Variants in PDZRN3 observed in about 807,000 individuals in gnomAD.
The protein encoded by PDZRN3 is E3 ubiquitin-protein ligase PDZRN3.
Under a neutral mutation model 85.7 loss-of-function variants are expected in PDZRN3, and 38 were observed. That is an observed-to-expected ratio of 0.44 (90% CI 0.34 to 0.58). PDZRN3 has a LOEUF of 0.58. Ranked by LOEUF, PDZRN3 falls within the 20% of genes least tolerant of loss-of-function variation. The probability of loss-of-function intolerance (pLI) is 0.01; values close to 1 mark genes in which losing one functional copy is unlikely to be tolerated. For synonymous variants in PDZRN3, 759 were observed against 638.0 expected (o/e 1.19, Z -2.86); for missense variants, 1,629 against 1,506.4 (o/e 1.08, Z -1.35).
chr3:73,417,685 T>C (rs1702120091), intron 3 of PDZRN3, among the ~76,000 whole-genome samples: 2 of 152,236 alleles, frequency 1.3e-5, no homozygotes, highest in Non-Finnish European at 2.9e-5. Context: ...GTAATATGTA[T>C]GAATATTCCA....
intron 3 of PDZRN3, among the ~76,000 whole-genome samples, chr3:73,495,539 T>C (rs1355114307): frequency 2.0e-5 from 3 of 152,232 alleles, no homozygotes; most frequent in African/African-American, 4.8e-5. Flanking sequence ...CGTGCGCATA[T>C]ATTTGTCTTA....
At chr3:73,414,500 A>G (rs1559666027) in intron 3 of PDZRN3, among the ~76,000 whole-genome samples, 1 of 152,228 alleles carries the variant, frequency 6.6e-6, no homozygotes, top group Non-Finnish European at 1.5e-5. Context: ...ATCAAAATTA[A>G]TTTTGGCTCC....
chr3:73,555,923 C>T (rs1252274624), intron 3 of PDZRN3, among the ~76,000 whole-genome samples: 1 of 152,196 alleles, frequency 6.6e-6, no homozygotes, highest in Admixed American at 6.5e-5. Flanking sequence ...AACTCCAGTA[C>T]TTAATACATG....
intron 3 of PDZRN3, among the ~76,000 whole-genome samples, chr3:73,567,004 A>G (rs145533896): frequency 1.0e-3 from 152 of 152,324 alleles, no homozygotes; most frequent in Non-Finnish European, 1.9e-3. Flanking sequence ...TGTGTAAGCT[A>G]TTTGGATTTG....
At chr3:73,439,588 T>C (rs944076988) in intron 3 of PDZRN3, among the ~76,000 whole-genome samples, 1 of 152,024 alleles carries the variant, frequency 6.6e-6, no homozygotes. Flanking sequence ...TGTGTCTTCA[T>C]AGCAAGAAAA....
intron 1 of PDZRN3, among the ~76,000 whole-genome samples, chr3:73,619,803 G>T (rs1311406509): frequency 1.3e-5 from 2 of 152,192 alleles, no homozygotes; most frequent in African/African-American, 4.8e-5. Flanking sequence ...AGGCTTGAGG[G>T]AGAGTGATAA....
chr3:73,493,986 T>C (rs1318456062), intron 3 of PDZRN3, among the ~76,000 whole-genome samples: 2 of 152,228 alleles, frequency 1.3e-5, no homozygotes, highest in Non-Finnish European at 2.9e-5. Flanking sequence ...CCAATCAACG[T>C]TGGATGACCA....
chr3:73,604,413 G>T (rs11708544), intron 2 of PDZRN3, among the ~76,000 whole-genome samples: 1 of 152,238 alleles, frequency 6.6e-6, no homozygotes, highest in South Asian at 2.1e-4. Flanking sequence ...ACCTGAGACT[G>T]AGAGAGGTTC....
At chr3:73,452,324 A>G (rs560908532) in intron 3 of PDZRN3, among the ~76,000 whole-genome samples, 2 of 152,216 alleles carry the variant, frequency 1.3e-5, no homozygotes, top group Non-Finnish European at 2.9e-5. Context: ...ATGGATTTAG[A>G]CTTGAGCCAC....
At chr3:73,460,501 C>T (rs575084859) in intron 3 of PDZRN3, among the ~76,000 whole-genome samples, 2 of 152,298 alleles carry the variant, frequency 1.3e-5, no homozygotes, top group Admixed American at 1.3e-4. Flanking sequence ...TCATCTTGAC[C>T]ATCCACTGGA....
At chr3:73,600,458 C>T (rs13319656) in intron 3 of PDZRN3, among the ~76,000 whole-genome samples, 1 of 151,944 alleles carries the variant, frequency 6.6e-6, no homozygotes, top group African/African-American at 2.4e-5. Context: ...ATCACTGTAT[C>T]ATGTCAAAAG....
chr3:73,584,550 G>A (rs9847947), intron 3 of PDZRN3, among the ~76,000 whole-genome samples: 2 of 151,232 alleles, frequency 1.3e-5, no homozygotes, highest in Non-Finnish European at 2.9e-5. Context: ...AGAAAACAGA[G>A]AAAATATTAA....
At chr3:73,426,811 T>C (rs1352578004) in intron 3 of PDZRN3, among the ~76,000 whole-genome samples, 3 of 152,046 alleles carry the variant, frequency 2.0e-5, no homozygotes, top group Non-Finnish European at 4.4e-5. Context: ...AGAAAGTGCA[T>C]TTCTAACAAA....
intron 3 of PDZRN3, chr3:73,556,631 C>A (rs1701701462): frequency 6.6e-6 from 1 of 152,100 alleles, no homozygotes; most frequent in African/African-American, 2.4e-5. Flanking sequence ...TAATACATAA[C>A]TAGAAGCTGT....
intron 3 of PDZRN3, among the ~76,000 whole-genome samples, chr3:73,557,135 C>T (rs554983947): frequency 3.5e-4 from 53 of 152,292 alleles, no homozygotes; most frequent in African/African-American, 1.3e-3. Flanking sequence ...AGGCTCTTTC[C>T]CCTTTCACCC....
chr3:73,395,842 G>T (rs1272259179), intron 5 of PDZRN3, among the ~76,000 whole-genome samples: 1 of 152,174 alleles, frequency 6.6e-6, no homozygotes, highest in Admixed American at 6.5e-5. Context: ...GCCAGACATG[G>T]TCTAGGCAAA....
In PDZRN3 at chr3:73,624,673, G is replaced by C; in HGVS notation, c.153C>G (p.Ser51Arg). The stretch of plus-strand genomic sequence containing the variant: ...GGCGACCGCGGCAGCGCGCCGGGCA[G>C]CTGCCCTCCTGCACCACCCAGGGCA... ...CVLPWVVQEG[S>R]CPARCRGRLS... The change falls in exon 1 of 10, where the codon AGC becomes AGG. Residue 51 changes from serine to arginine, a missense_variant. By Grantham distance (110) the Ser-to-Arg change is moderately radical. Transcript: ENST00000263666. 1 of 1,527,214 alleles carries C rather than the reference G, an allele frequency of 6.5e-7. No homozygotes were observed. Among genetic ancestry groups the C allele is most frequent in the Non-Finnish European group, 8.8e-7 (1 of 1,142,562 alleles). 94.6% of individuals were successfully genotyped at this position (1,527,214 alleles called of 1,614,324 possible).
chr3:73,485,629 G>T (rs750824111), intron 3 of PDZRN3, among the ~76,000 whole-genome samples: 3 of 152,168 alleles, frequency 2.0e-5, no homozygotes, highest in Non-Finnish European at 4.4e-5. Context: ...TTCTGAATGA[G>T]ATCTTGGTCA....
intron 3 of PDZRN3, among the ~76,000 whole-genome samples, chr3:73,482,745 C>T (rs1014593797): frequency 2.0e-5 from 3 of 152,114 alleles, no homozygotes; most frequent in Non-Finnish European, 4.4e-5. Flanking sequence ...AAGTAAAGGA[C>T]CCCAGGTTGC....
Sources: gnomAD v4.1 joint callset for allele counts (sites outside exome capture counted in the v4.1 genomes callset) on GRCh38, gnomAD v4.1.1 for gene constraint, MANE v1.5 for transcripts, NCBI Gene and HGNC (gene_info 2026-07-23, HGNC 2026-07-21) for gene names.